The following OGT variants were observed in gnomAD, a reference collection of about 807,000 sequenced individuals.
OGT encodes the protein UDP-N-acetylglucosamine--peptide N-acetylglucosaminyltransferase 110 kDa subunit.
Under a neutral mutation model 75.8 loss-of-function variants are expected in OGT, and 3 were observed. That is an observed-to-expected ratio of 0.04 (90% CI 0.02 to 0.10). The LOEUF is 0.10. Among genes scored for constraint, OGT ranks in the 10% least tolerant of loss-of-function variants. OGT has a pLI of 1.00. For synonymous variants in OGT, 257 were observed against 289.7 expected (o/e 0.89, Z 1.15); for missense variants, 260 against 824.4 (o/e 0.32, Z 8.38).
At chrX:71,544,529 G>C (rs981250249) in intron 3 of OGT, 38 bp from the exon 4 acceptor site, 1 of 1,141,369 alleles carries the variant, frequency 8.8e-7, no homozygotes, top group Non-Finnish European at 1.2e-6. Flanking sequence ...AATTGACAAA[G>C]CAGAGTATAA....
rs755415614 is a variant in OGT at position 71,538,117 on chromosome X, A to T, written c.462+45A>T. The T allele has an allele frequency of 5.9e-6, 7 of 1,178,620 alleles. No homozygotes were observed. The South Asian group carries it at 9.2e-5, about 16-fold the overall frequency. ...TTACTTTCCCTTCCTAGAAACCCAG[A>T]AAGAAACATAGTGTGATATTTCAGA... On this transcript the variant is annotated intron_variant, in intron 3 of 21. Transcript: ENST00000373719.
intron 21 of OGT, among the ~76,000 whole-genome samples, chrX:71,569,007 C>T: frequency 9.0e-6 from 1 of 111,626 alleles, no homozygotes; most frequent in Non-Finnish European, 1.9e-5. Flanking sequence ...TTGGTACAGC[C>T]CTTCCTCAGA....
intron 12 of OGT, among the ~76,000 whole-genome samples, chrX:71,558,321 G>A (rs1043039648): frequency 1.8e-4 from 20 of 109,654 alleles, no homozygotes; most frequent in Non-Finnish European, 2.8e-4. Context: ...ACTTGATCAA[G>A]GATTGGATCA....
chrX:71,565,190 A>G (rs2040408730), intron 19 of OGT, among the ~76,000 whole-genome samples: 1 of 112,227 alleles, frequency 8.9e-6, no homozygotes, highest in Non-Finnish European at 1.9e-5. Flanking sequence ...TACTTTTTAA[A>G]AAATTTATTT....
chrX:71,555,695 C>T, intron 7 of OGT: 2 of 401,982 alleles, frequency 5.0e-6, no homozygotes, highest in Non-Finnish European at 8.5e-6. Context: ...AGCACTCCAG[C>T]CTGGGCAACA....
rs761470358 is a variant in OGT at position 71,563,162 on chromosome X, G to C, written c.2181G>C (p.Gly727=). 1 of 1,209,209 alleles carries C rather than the reference G, an allele frequency of 8.3e-7. No homozygotes were observed. The highest frequency in any genetic ancestry group is 1.7e-5 in the African/African-American group (1 of 57,306). ...CAGTCATCGATTTTAAGTCCAATGG[G>C]CACATTTATGACAATCGGATAGTTC... ...KKAVIDFKSN[G]HIYDNRIVLN... is the part of the protein sequence containing the mutation. The change falls in exon 17 of 22, where the codon GGG becomes GGC. Residue 727 remains glycine (G), a synonymous_variant. Coordinates refer to ENST00000373719, the MANE Select transcript of OGT (RefSeq NM_181672.3).
At position 71,555,244 on chromosome X, in the gene OGT, G is replaced by A. The variant is rs2040335235; in HGVS notation, c.783G>A (p.Val261=). ...ALSLSPNHAV[V]HGNLACVYYE... ...GTTTGAGTCCAAATCACGCAGTGGT[G>A]CACGGCAACCTGGCTTGTGTATACT... The change falls in exon 7 of 22, where the codon GTG becomes GTA. Residue 261 remains valine, a synonymous_variant. Transcript: ENST00000373719. 1 of 1,209,477 alleles carries A rather than the reference G, an allele frequency of 8.3e-7. No individual in the cohort carries two copies. The highest frequency in any genetic ancestry group is 1.1e-6 in the Non-Finnish European group (1 of 894,937).
At chrX:71,564,865 A>T in intron 19 of OGT, 112 bp downstream of exon 19, 1 of 634,856 alleles carries the variant, frequency 1.6e-6, no homozygotes. Flanking sequence ...TCTTTTTAAA[A>T]TTTTTTTTTG....
intron 5 of OGT, among the ~76,000 whole-genome samples, chrX:71,550,830 C>T (rs1900242925): frequency 9.1e-6 from 1 of 109,991 alleles, no homozygotes; most frequent in South Asian, 3.9e-4. Context: ...TATTATGTCA[C>T]CTATTTGTGG....
chrX:71,533,408 C>T, intron 1 of OGT, 72 bp downstream of exon 1: 2 of 887,351 alleles, frequency 2.3e-6, no homozygotes, highest in South Asian at 2.1e-5. Context: ...TTGTATCACT[C>T]CTTCCCTCCC....
chrX:71,568,201 A>G, intron 21 of OGT, 85 bp downstream of exon 21: 1 of 859,929 alleles, frequency 1.2e-6, no homozygotes, highest in Non-Finnish European at 1.6e-6. Flanking sequence ...AATAAGTGTA[A>G]TATAAAATAG....
At chrX:71,570,855 C>T (rs887356224) in intron 21 of OGT, among the ~76,000 whole-genome samples, 2 of 110,688 alleles carry the variant, frequency 1.8e-5, no homozygotes, top group Non-Finnish European at 3.8e-5. Flanking sequence ...AGTGCAGTGG[C>T]ATGATCACGG....
chrX:71,555,542 C>T (rs769145880), intron 7 of OGT, among the ~76,000 whole-genome samples, 157 bp downstream of exon 7: 3 of 111,731 alleles, frequency 2.7e-5, no homozygotes, highest in East Asian at 2.8e-4. Context: ...GGCAACATGA[C>T]GAAACCCTGT....
chrX:71,559,647 A>G lies in OGT; in HGVS notation c.1821A>G (p.Ala607=), dbSNP rs769452389. ...DGTNFRVKVM[A]EANHFIDLSQ... ...CAAACTTCCGAGTGAAGGTGATGGC[A>G]GAAGCCAATCATTTCATTGATCTTT... is the stretch of plus-strand genomic sequence containing the variant. Residue 607 remains alanine, a synonymous_variant, in exon 14 of 22, where the codon GCA becomes GCG. Coordinates refer to ENST00000373719, the MANE Select transcript of OGT (RefSeq NM_181672.3). 2 of 1,210,000 alleles carry G rather than the reference A, an allele frequency of 1.7e-6. No homozygotes were observed. The highest frequency in any genetic ancestry group is 3.5e-5 in the South Asian group (2 of 56,826).
chrX:71,555,910 T>G, intron 7 of OGT, 44 bp from the exon 8 acceptor site: 6 of 1,192,431 alleles, frequency 5.0e-6, no homozygotes, highest in Non-Finnish European at 6.8e-6. Context: ...AGTGGAGGCT[T>G]TATGATTCTG....
intron 19 of OGT, among the ~76,000 whole-genome samples, chrX:71,566,877 A>G (rs2040420220): frequency 8.9e-6 from 1 of 112,769 alleles, no homozygotes; most frequent in Non-Finnish European, 1.9e-5. Context: ...AGAGAAAGGG[A>G]TTTTGAACTT....
chrX:71,554,377 A>G (rs2147681511), intron 5 of OGT, 136 bp from the exon 6 acceptor site: 1 of 433,165 alleles, frequency 2.3e-6, no homozygotes, highest in African/African-American at 2.5e-5. Flanking sequence ...GAAGACACTA[A>G]ATAAATAATT....
At chrX:71,567,781 T>C in intron 20 of OGT, 29 bp downstream of exon 20, 1 of 1,165,789 alleles carries the variant, frequency 8.6e-7, no homozygotes, top group Non-Finnish European at 1.1e-6. Flanking sequence ...ACTGGAATCT[T>C]CCTTGTTCCT....
Position 71,573,755 on chromosome X carries a change from C to G in OGT, c.3102C>G (p.Asp1034Glu), listed in dbSNP as rs1240346972. The change falls in exon 22 of 22, where the codon GAC becomes GAG. Residue 1034 changes from aspartate (D) to glutamate (E), a missense_variant. Around this residue, in one of 6 missense-constraint regions of OGT, gnomAD observed 34 missense variants for 57.5 expected, o/e 0.59. Coordinates refer to ENST00000373719, the MANE Select transcript of OGT (RefSeq NM_181672.3). ...WEHYAAGNKP[D>E]HMIKPVEVTE... ...ATTATGCAGCTGGCAACAAACCTGA[C>G]CACATGATTAAGCCTGTTGAAGTCA... The G allele has an allele frequency of 3.3e-6, 4 of 1,206,375 alleles. No homozygotes were observed. In the Admixed American group the frequency reaches 8.8e-5, roughly 27 times the overall value.
Sources: allele counts gnomAD v4.1 joint callset (sites outside exome capture counted in the v4.1 genomes callset), GRCh38; gene constraint gnomAD v4.1.1; regional missense constraint gnomAD v4.1.1; transcripts MANE v1.5; gene names NCBI Gene and HGNC (gene_info 2026-07-23, HGNC 2026-07-21).